DLGAP2: variants seen among roughly 807,000 people sequenced by gnomAD.
DLGAP2 encodes DLG associated protein 2.
In DLGAP2, 26 loss-of-function variants were observed where a neutral mutation model predicts 100.3. That is an observed-to-expected ratio of 0.26 (90% confidence interval 0.19 to 0.36). DLGAP2 has a LOEUF of 0.36. DLGAP2 is among the 10% of genes least tolerant of loss of function. The pLI is 1.00. For missense variants in DLGAP2, 1,858 were observed against 1,453.2 expected (o/e 1.28, Z -4.53); for synonymous variants, 886 against 630.1 (o/e 1.41, Z -6.08).
At chr8:1,086,175 G>C (rs770392338) in intron 2 of DLGAP2, among the ~76,000 whole-genome samples, 1 of 152,076 alleles carries the variant, frequency 6.6e-6, no homozygotes, top group Non-Finnish European at 1.5e-5. Context: ...GGAGTTTGTA[G>C]GGTTTTCTAT....
At chr8:1,008,798 C>T (rs1254512440) in intron 2 of DLGAP2, among the ~76,000 whole-genome samples, 3 of 152,228 alleles carry the variant, frequency 2.0e-5, no homozygotes, top group Non-Finnish European at 2.9e-5. Context: ...GTGCTGCGCC[C>T]CCACTGGTGT....
chr8:1,273,193 A>G (rs1043184886), intron 3 of DLGAP2, among the ~76,000 whole-genome samples: 1 of 152,150 alleles, frequency 6.6e-6, no homozygotes, highest in African/African-American at 2.4e-5. Flanking sequence ...GGGTTAGTCT[A>G]CAGGGGGGCC....
At chr8:1,132,838 C>T (rs1225809396) in intron 2 of DLGAP2, among the ~76,000 whole-genome samples, 1 of 152,194 alleles carries the variant, frequency 6.6e-6, no homozygotes, top group African/African-American at 2.4e-5. Flanking sequence ...GCTCATGGAT[C>T]ATAGATGGAT....
chr8:819,330 A>C (rs1433869687), intron 1 of DLGAP2, among the ~76,000 whole-genome samples: 1 of 152,234 alleles, frequency 6.6e-6, no homozygotes, highest in Non-Finnish European at 1.5e-5. Flanking sequence ...GCCATCTGTG[A>C]TAGAAATTCT....
chr8:1,681,479 T>A (rs114597936), intron 12 of DLGAP2, among the ~76,000 whole-genome samples: 2,381 of 151,348 alleles, frequency 0.016, 65 homozygotes, highest in African/African-American at 0.052. Flanking sequence ...CCAAAAAAAA[T>A]AATAATAATA....
intron 3 of DLGAP2, among the ~76,000 whole-genome samples, chr8:1,436,524 C>T (rs1280382535): frequency 3.3e-5 from 5 of 152,226 alleles, no homozygotes; most frequent in Admixed American, 3.3e-4. Context: ...CCCTCACAGA[C>T]AACCCAGGAC....
At chr8:1,445,191 A>C (rs1797950819) in intron 3 of DLGAP2, among the ~76,000 whole-genome samples, 1 of 144,266 alleles carries the variant, frequency 6.9e-6, no homozygotes. Flanking sequence ...GCACCCATTA[A>C]CTCGTCATTT....
At chr8:1,440,575 T>G (rs1797801258) in intron 3 of DLGAP2, among the ~76,000 whole-genome samples, 1 of 152,202 alleles carries the variant, frequency 6.6e-6, no homozygotes, top group South Asian at 2.1e-4. Context: ...GACACAAATC[T>G]AAGACTAAAG....
rs1799838676 is a variant in DLGAP2, at chr8:1,282,542, T to A, written c.106+23659T>A. 2.5e-5 allele frequency among the ~76,000 whole-genome samples: 3 copies of A among 118,330 alleles called. No individual in the cohort carries two copies. The South Asian group carries it at 8.8e-4, about 35-fold the overall frequency. 77.6% of individuals were successfully genotyped at this position (118,330 alleles called of 152,430 possible). A position where few individuals can be genotyped will look rare whatever the true frequency, so the allele number is the denominator to read the frequency against. On this transcript the variant is annotated intron_variant, in intron 3 of 14. Coordinates refer to ENST00000637795, the MANE Select transcript of DLGAP2 (RefSeq NM_001346810.2). Reference sequence around the variant, plus strand: ...GACCTGAACCCAGCACCCTGAACCATCCGGACATGGTGTGACCTGAACCCA... The same window carrying A: ...GACCTGAACCCAGCACCCTGAACCAACCGGACATGGTGTGACCTGAACCCA...
chr8:747,767 C>T (rs1400795767), intron 1 of DLGAP2, among the ~76,000 whole-genome samples: 1 of 14,090 alleles, frequency 7.1e-5, no homozygotes, highest in East Asian at 3.9e-3. Flanking sequence ...GGGGTCTCTG[C>T]GGTGGGATGG....
At chr8:1,344,330 C>A (rs1801505796) in intron 3 of DLGAP2, among the ~76,000 whole-genome samples, 2 of 152,176 alleles carry the variant, frequency 1.3e-5, no homozygotes, top group African/African-American at 2.4e-5. Context: ...CAGGGTGCCA[C>A]CTGCATTGCC....
chr8:1,264,209 A>G (rs1342894439), intron 3 of DLGAP2, among the ~76,000 whole-genome samples: 6 of 152,148 alleles, frequency 3.9e-5, no homozygotes, highest in Admixed American at 3.9e-4. Flanking sequence ...CTAAGAAGGA[A>G]TTCCAACCAG....
chr8:906,148 G>T (rs750818751), intron 1 of DLGAP2, among the ~76,000 whole-genome samples: 1 of 152,246 alleles, frequency 6.6e-6, no homozygotes, highest in Non-Finnish European at 1.5e-5. Context: ...AGAGCAGCTT[G>T]TGATTTCAGC....
chr8:1,499,005 A>C (rs992224994), intron 3 of DLGAP2, among the ~76,000 whole-genome samples: 6 of 152,102 alleles, frequency 3.9e-5, no homozygotes, highest in African/African-American at 1.4e-4. Context: ...CAGCTTCCAG[A>C]CCTCCTGTTC....
chr8:999,917 C>T (rs566201114), intron 2 of DLGAP2, among the ~76,000 whole-genome samples: 6 of 151,502 alleles, frequency 4.0e-5, no homozygotes, highest in Admixed American at 2.0e-4. Flanking sequence ...CAGACAGATC[C>T]GGGTGGAGGT....
intron 3 of DLGAP2, among the ~76,000 whole-genome samples, chr8:1,374,447 T>G (rs572775542): frequency 6.6e-6 from 1 of 152,282 alleles, no homozygotes; most frequent in African/African-American, 2.4e-5. Flanking sequence ...CTCTGTAGGA[T>G]GATTGCGCAA....
chr8:787,721 G>T (rs971910938), intron 1 of DLGAP2, among the ~76,000 whole-genome samples: 1 of 152,318 alleles, frequency 6.6e-6, no homozygotes, highest in Non-Finnish European at 1.5e-5. Flanking sequence ...CCTGGGGGCT[G>T]TCTCAGCCTA....
intron 1 of DLGAP2, among the ~76,000 whole-genome samples, chr8:857,139 G>A (rs1024577093): frequency 6.6e-6 from 1 of 152,222 alleles, no homozygotes; most frequent in African/African-American, 2.4e-5. Flanking sequence ...CTTATCAACA[G>A]ATGGTGTGGA....
At chr8:1,321,143 G>A (rs1713312485) in intron 3 of DLGAP2, among the ~76,000 whole-genome samples, 1 of 152,056 alleles carries the variant, frequency 6.6e-6, no homozygotes, top group Admixed American at 6.5e-5. Flanking sequence ...CTCTGCATGT[G>A]TGCATGCATC....
Sources: gnomAD v4.1 joint callset for allele counts (sites outside exome capture counted in the v4.1 genomes callset) on GRCh38, gnomAD v4.1.1 for gene constraint, MANE v1.5 for transcripts, NCBI Gene and HGNC (gene_info 2026-07-23, HGNC 2026-07-21) for gene names.